Variants in GALNTL6 observed in about 807,000 individuals in gnomAD.
GALNTL6 encodes the protein polypeptide N-acetylgalactosaminyltransferase-like 6.
Under a neutral mutation model 73.7 loss-of-function variants are expected in GALNTL6, and 46 were observed. The ratio of observed to expected loss-of-function variants is 0.62; its 90% CI spans 0.49 to 0.80. The LOEUF (loss-of-function observed/expected upper bound fraction) is 0.80. Among genes scored for constraint, GALNTL6 ranks in the 30% least tolerant of loss-of-function variants. GALNTL6 has a pLI of 0.00. For synonymous variants in GALNTL6, 259 were observed against 263.7 expected, an observed-to-expected ratio of 0.98 and a Z score of 0.17; for missense variants, 604 against 755.0, an observed-to-expected ratio of 0.80 and a Z score of 2.34.
intron 2 of GALNTL6, among the ~76,000 whole-genome samples, chr4:172,172,694 C>T (rs772282248): frequency 6.6e-6 from 1 of 152,150 alleles, no homozygotes; most frequent in Non-Finnish European, 1.5e-5. Flanking sequence ...TACTTTCTTA[C>T]AGCACAGCAA....
intron 2 of GALNTL6, among the ~76,000 whole-genome samples, chr4:171,903,686 G>A (rs920559478): frequency 6.0e-5 from 9 of 150,662 alleles, no homozygotes. Flanking sequence ...CCACCTCTGG[G>A]GGCAGGGCAC....
chr4:172,045,537 A>G (rs951358936), intron 2 of GALNTL6, among the ~76,000 whole-genome samples: 13 of 152,012 alleles, frequency 8.6e-5, no homozygotes, highest in African/African-American at 3.1e-4. Context: ...CATGTTCAAC[A>G]TAGTATTAAA....
rs145063727 is a variant in GALNTL6, at chr4:172,813,601, T to C, written c.801T>C (p.Asn267=). 9 of 1,613,054 alleles carry C rather than the reference T, an allele frequency of 5.6e-6. No individual in the cohort carries two copies. In the African/African-American group the frequency reaches 1.2e-4, roughly 22 times the overall value. ...VCPMIDVIDH[N]HFGYEAQAGD... The stretch of plus-strand genomic sequence containing the variant: ...CCATGATCGATGTCATTGACCACAA[T>C]CACTTCGGGTATGAGGCACAAGCTG... Residue 267 remains asparagine, a synonymous_variant, in exon 7 of 13, where the codon AAT becomes AAC. Coordinates refer to ENST00000506823, the MANE Select transcript of GALNTL6 (RefSeq NM_001034845.3).
chr4:172,171,396 GA>G (rs1379474836), intron 2 of GALNTL6, among the ~76,000 whole-genome samples: 2 of 152,154 alleles, frequency 1.3e-5, no homozygotes, highest in Non-Finnish European at 2.9e-5. Flanking sequence ...CATAAACTGG[GA>G]GGGAGAATGT....
intron 2 of GALNTL6, among the ~76,000 whole-genome samples, chr4:172,127,167 C>T (rs754409074): frequency 6.6e-6 from 1 of 152,176 alleles, no homozygotes; most frequent in Non-Finnish European, 1.5e-5. Flanking sequence ...TGATGTGGGC[C>T]TGGAGATTAC....
chr4:172,862,934 A>C (rs959772118), intron 7 of GALNTL6, among the ~76,000 whole-genome samples: 1 of 152,222 alleles, frequency 6.6e-6, no homozygotes, highest in South Asian at 2.1e-4. Context: ...TGTGCAGCCT[A>C]GGGACTTGGT....
intron 5 of GALNTL6, among the ~76,000 whole-genome samples, chr4:172,680,276 G>A (rs2111229491): frequency 6.6e-6 from 1 of 152,150 alleles, no homozygotes; most frequent in Non-Finnish European, 1.5e-5. Context: ...TCTACCTAAG[G>A]TTGCAGAGCT....
intron 2 of GALNTL6, among the ~76,000 whole-genome samples, chr4:171,931,439 GT>G (rs1345730066): frequency 2.6e-5 from 4 of 152,158 alleles, no homozygotes; most frequent in Admixed American, 6.5e-5. Flanking sequence ...GGACATTCTT[GT>G]TGACAGTTCT....
intron 5 of GALNTL6, among the ~76,000 whole-genome samples, chr4:172,525,370 C>T (rs925529146): frequency 7.9e-5 from 12 of 152,082 alleles, no homozygotes; most frequent in African/African-American, 1.9e-4. Context: ...ATGCTTATAT[C>T]GTCTTTATCT....
At chr4:172,276,825 C>A (rs1738848682) in intron 3 of GALNTL6, among the ~76,000 whole-genome samples, 1 of 151,824 alleles carries the variant, frequency 6.6e-6, no homozygotes, top group Admixed American at 6.6e-5. Context: ...GTCCCAATCA[C>A]CTAGATGATT....
chr4:172,066,803 T>C (rs564928721), intron 2 of GALNTL6, among the ~76,000 whole-genome samples: 1 of 152,280 alleles, frequency 6.6e-6, no homozygotes, highest in Admixed American at 6.5e-5. Context: ...GTTTGTTTTT[T>C]CCAAAATGTT....
intron 2 of GALNTL6, among the ~76,000 whole-genome samples, chr4:172,186,453 C>CA (rs1470820382): frequency 6.6e-6 from 1 of 152,058 alleles, no homozygotes; most frequent in East Asian, 1.9e-4. Flanking sequence ...AATTGGAAAT[C>CA]AAACAACTAT....
At chr4:172,994,642 A>T (rs1325138135) in intron 10 of GALNTL6, among the ~76,000 whole-genome samples, 1 of 152,206 alleles carries the variant, frequency 6.6e-6, no homozygotes, top group East Asian at 1.9e-4. Context: ...AGCAGTGCTG[A>T]CATTCGCAAT....
At chr4:172,303,182 T>C (rs1280213501) in intron 3 of GALNTL6, among the ~76,000 whole-genome samples, 1 of 152,022 alleles carries the variant, frequency 6.6e-6, no homozygotes, top group Non-Finnish European at 1.5e-5. Context: ...GTAGTTTTAG[T>C]AGAGATGGGG....
intron 2 of GALNTL6, among the ~76,000 whole-genome samples, chr4:172,175,038 G>A (rs1159000789): frequency 2.0e-5 from 3 of 152,096 alleles, no homozygotes; most frequent in Non-Finnish European, 4.4e-5. Context: ...AGTGCAAACT[G>A]GCATTGATGT....
At chr4:172,432,986 A>G (rs1731511495) in intron 5 of GALNTL6, among the ~76,000 whole-genome samples, 1 of 152,220 alleles carries the variant, frequency 6.6e-6, no homozygotes, top group Non-Finnish European at 1.5e-5. Context: ...TAATGACAAT[A>G]GAGTTTGCTG....
chr4:171,898,546 A>G (rs184511909), intron 2 of GALNTL6, among the ~76,000 whole-genome samples: 1 of 152,152 alleles, frequency 6.6e-6, no homozygotes, highest in East Asian at 1.9e-4. Flanking sequence ...TGGTATATAA[A>G]CAACTTGTAT....
At position 171,814,627 on chromosome 4, in the gene GALNTL6, C is replaced by T; in HGVS notation, c.47C>T (p.Thr16Met). ...KRFLQMTLLF[T>M]VALIFLPNVG... Reference sequence around the variant, plus strand: ...TTTCTGCAGATGACTTTGTTGTTCACGGTGGCTTTAATTTTCCTGCCTAAC... The same window carrying T: ...TTTCTGCAGATGACTTTGTTGTTCATGGTGGCTTTAATTTTCCTGCCTAAC... The change falls in exon 2 of 13, where the codon ACG (threonine) becomes ATG (methionine). Residue 16 changes from threonine to methionine, a missense_variant. Physicochemically the swap from Thr to Met is moderately conservative, Grantham distance 81 (BLOSUM62 -1). Coordinates refer to ENST00000506823, the MANE Select transcript of GALNTL6 (RefSeq NM_001034845.3). 4.3e-6 allele frequency: 7 copies of T among 1,614,064 alleles called. No homozygotes were observed. The highest frequency in any genetic ancestry group is 4.5e-5 in the East Asian group (2 of 44,872).
At chr4:171,891,665 T>C (rs568011956) in intron 2 of GALNTL6, among the ~76,000 whole-genome samples, 18 of 152,298 alleles carry the variant, frequency 1.2e-4, no homozygotes, top group Non-Finnish European at 2.6e-4. Flanking sequence ...ATTTTTGACA[T>C]TGGGAAAATC....
Sources: gnomAD v4.1 joint callset for allele counts (sites outside exome capture counted in the v4.1 genomes callset) on GRCh38, gnomAD v4.1.1 for gene constraint, MANE v1.5 for transcripts, NCBI Gene and HGNC (gene_info 2026-07-23, HGNC 2026-07-21) for gene names.